The following SGCG variants were observed in gnomAD, a reference collection of about 807,000 sequenced individuals.
SGCG encodes gamma-sarcoglycan.
SGCG carries 26 observed loss-of-function variants against 29.3 expected under a neutral mutation model. The observed-to-expected ratio is 0.89, with a 90% CI of 0.65 to 1.23. SGCG has a LOEUF of 1.23. Ranked by LOEUF, SGCG falls within the 50% of genes most tolerant of loss-of-function variation. The pLI, the probability that SGCG is intolerant of heterozygous loss-of-function variation, is 0.00. For missense variants in SGCG, 353 were observed against 356.0 expected, an observed-to-expected ratio of 0.99 and a Z score of 0.07; for synonymous variants, 145 against 129.7, an observed-to-expected ratio of 1.12 and a Z score of -0.80.
intron 3 of SGCG, among the ~76,000 whole-genome samples, chr13:23,248,825 T>C (rs918746775): frequency 4.0e-5 from 6 of 151,700 alleles, no homozygotes; most frequent in African/African-American, 1.5e-4. Flanking sequence ...ACCCCGTCTC[T>C]ACTAAAACTA....
chr13:23,289,394 A>G (rs148409241), intron 5 of SGCG, among the ~76,000 whole-genome samples: 1 of 152,238 alleles, frequency 6.6e-6, no homozygotes, highest in Non-Finnish European at 1.5e-5. Flanking sequence ...CTCTGCAAGT[A>G]TGTTGATATT....
intron 2 of SGCG, among the ~76,000 whole-genome samples, chr13:23,208,634 G>C (rs1878073150): frequency 1.3e-5 from 2 of 152,160 alleles, no homozygotes; most frequent in Non-Finnish European, 1.5e-5. Context: ...ATTAAAACTT[G>C]ATGTAAGATA....
intron 1 of SGCG, among the ~76,000 whole-genome samples, chr13:23,189,722 A>T (rs1364202684): frequency 6.6e-6 from 1 of 152,240 alleles, no homozygotes; most frequent in African/African-American, 2.4e-5. Flanking sequence ...GGCAAATAGT[A>T]TGAGAAGATA....
intron 1 of SGCG, among the ~76,000 whole-genome samples, chr13:23,190,622 T>C (rs1371619315): frequency 6.6e-6 from 1 of 152,232 alleles, no homozygotes; most frequent in Non-Finnish European, 1.5e-5. Flanking sequence ...ATGGCTTTGT[T>C]TGAAATAATT....
At chr13:23,234,205 G>A (rs1448196777) in intron 2 of SGCG, among the ~76,000 whole-genome samples, 1 of 152,146 alleles carries the variant, frequency 6.6e-6, no homozygotes, top group Non-Finnish European at 1.5e-5. Context: ...TTTGGGGCAG[G>A]TGATGGAACT....
intron 3 of SGCG, among the ~76,000 whole-genome samples, chr13:23,248,691 C>T (rs1187932077): frequency 6.9e-6 from 1 of 145,522 alleles, no homozygotes. Flanking sequence ...TAGACTCCGT[C>T]TCAAAAAGAA....
intron 4 of SGCG, among the ~76,000 whole-genome samples, chr13:23,270,349 A>G (rs953842357): frequency 1.3e-5 from 2 of 152,150 alleles, no homozygotes; most frequent in East Asian, 1.9e-4. Context: ...AGACAACACA[A>G]TGTGTCTAAA....
At chr13:23,302,490 A>G (rs989252498) in intron 6 of SGCG, among the ~76,000 whole-genome samples, 8 of 152,052 alleles carry the variant, frequency 5.3e-5, no homozygotes, top group Non-Finnish European at 1.2e-4. Flanking sequence ...TATATTTTCA[A>G]ATAACTAAAG....
the SGCG span, among the ~76,000 whole-genome samples, chr13:23,164,901 A>G: frequency 6.6e-6 from 1 of 152,090 alleles, no homozygotes; most frequent in African/African-American, 2.4e-5. Context: ...CTGGGCCAGC[A>G]TGTACCCTTC....
intron 1 of SGCG, among the ~76,000 whole-genome samples, chr13:23,191,843 A>G (rs1437155016): frequency 6.6e-6 from 1 of 152,178 alleles, no homozygotes; most frequent in Non-Finnish European, 1.5e-5. Context: ...ACGGATTAAC[A>G]TATATGCTAG....
At position 23,248,161 on chromosome 13, in the gene SGCG, G is replaced by C. The variant is rs1285390053; in HGVS notation, c.298-2469G>C. On this transcript the variant is annotated intron_variant, in intron 3 of 7. Transcript: ENST00000218867. ...TAAGTATACACTCAAAAAGATAAGC[G>C]AGATCTACACACCGAGTTTTCCTTT... Among the ~76,000 whole-genome samples the C allele has an allele frequency of 5.3e-5, 8 of 151,598 alleles. No individual in the cohort carries two copies. In the East Asian group the frequency reaches 1.5e-3, roughly 29 times the overall value.
Position 23,275,750 on chromosome 13 carries a change from A to G in SGCG, c.386-3609A>G, listed in dbSNP as rs183304846. 3.0e-3 allele frequency among the ~76,000 whole-genome samples: 454 copies of G among 152,328 alleles called. 3 individuals carry two copies. The highest frequency in any genetic ancestry group is 5.5e-3 in the Non-Finnish European group (377 of 68,032). ...ACTGTATAATACAAGATTTTGCCAC[A>G]AAAGTAGTAGAGCTAACAAGCACAG... On this transcript the variant is annotated intron_variant, in intron 4 of 7. Coordinates refer to ENST00000218867, the MANE Select transcript of SGCG (RefSeq NM_000231.3).
intron 4 of SGCG, among the ~76,000 whole-genome samples, chr13:23,274,395 C>CTCTTT (rs1377323937): frequency 1.9e-4 from 16 of 85,226 alleles, no homozygotes; most frequent in Non-Finnish European, 3.2e-4. Flanking sequence ...CTTTCTTTCT[C>CTCTTT]TTTTTTTTTT....
At chr13:23,300,557 G>A (rs1882112089) in intron 6 of SGCG, among the ~76,000 whole-genome samples, 1 of 151,982 alleles carries the variant, frequency 6.6e-6, no homozygotes, top group Admixed American at 6.6e-5. Context: ...GCTATTTTAG[G>A]CCATGGGTTG....
intron 1 of SGCG, among the ~76,000 whole-genome samples, chr13:23,201,023 C>T (rs1420497829): frequency 6.6e-6 from 1 of 152,032 alleles, no homozygotes; most frequent in African/African-American, 2.4e-5. Context: ...AGAGGTGGGG[C>T]ATGAGCCGAT....
intron 6 of SGCG, among the ~76,000 whole-genome samples, chr13:23,303,295 C>G (rs776915705): frequency 6.6e-6 from 1 of 152,216 alleles, no homozygotes; most frequent in Non-Finnish European, 1.5e-5. Flanking sequence ...TCTTCTGCCC[C>G]TGATGAAGTA....
intron 2 of SGCG, among the ~76,000 whole-genome samples, chr13:23,204,092 T>C (rs1019756513): frequency 6.6e-6 from 1 of 151,244 alleles, no homozygotes; most frequent in African/African-American, 2.5e-5. Context: ...AGTGTGTTGG[T>C]TTTGTGTTTT....
chr13:23,274,385 CTT>C, intron 4 of SGCG, among the ~76,000 whole-genome samples: 5 of 125,580 alleles, frequency 4.0e-5, no homozygotes, highest in Non-Finnish European at 8.4e-5. Context: ...GTTTTTCTTT[CTT>C]TCTTTCTCTT....
intron 5 of SGCG, among the ~76,000 whole-genome samples, chr13:23,280,061 A>G (rs1881250234): frequency 6.6e-6 from 1 of 152,100 alleles, no homozygotes. Context: ...AGTAACCCAC[A>G]GACTCATCAA....
Sources: allele counts gnomAD v4.1 joint callset (sites outside exome capture counted in the v4.1 genomes callset), GRCh38; gene constraint gnomAD v4.1.1; transcripts MANE v1.5; gene names NCBI Gene and HGNC (gene_info 2026-07-23, HGNC 2026-07-21).